Variants in FMN2 observed in about 807,000 individuals in gnomAD.
FMN2 encodes the protein formin 2.
In FMN2, 51 loss-of-function variants were observed where a neutral mutation model predicts 142.3. The observed-to-expected ratio is 0.36, with a 90% confidence interval of 0.29 to 0.45. FMN2 has a LOEUF of 0.45. Among genes scored for constraint, FMN2 ranks in the 20% least tolerant of loss-of-function variants. FMN2 has a pLI of 1.00. For synonymous variants in FMN2, 882 were observed against 869.8 expected (o/e 1.01, Z -0.25); for missense variants, 1,936 against 2,122.8 (o/e 0.91, Z 1.73).
chr1:240,186,950 T>G (rs187972654), intron 3 of FMN2, among the ~76,000 whole-genome samples: 92 of 152,078 alleles, frequency 6.0e-4, no homozygotes, highest in African/African-American at 2.1e-3. Flanking sequence ...GTGGCTAAAT[T>G]GGAAATGTCA....
intron 14 of FMN2, among the ~76,000 whole-genome samples, chr1:240,361,182 T>TATATATATAA (rs1672468262): frequency 1.9e-5 from 2 of 103,482 alleles, no homozygotes; most frequent in Non-Finnish European, 4.3e-5. Flanking sequence ...TATATATATA[T>TATATATATAA]ATAAAAGAGT....
chr1:240,158,262 G>T (rs1383411518), intron 2 of FMN2, among the ~76,000 whole-genome samples: 1 of 152,074 alleles, frequency 6.6e-6, no homozygotes, highest in Non-Finnish European at 1.5e-5. Flanking sequence ...AGGCCTCAGA[G>T]CATAAGCTTT....
intron 14 of FMN2, among the ~76,000 whole-genome samples, chr1:240,389,883 T>TG (rs1223890838): frequency 6.6e-6 from 1 of 152,134 alleles, no homozygotes; most frequent in African/African-American, 2.4e-5. Flanking sequence ...CAGGAGGAAT[T>TG]GCAGCTTGCA....
chr1:240,277,515 G>T (rs1475036616), intron 7 of FMN2, among the ~76,000 whole-genome samples: 1 of 130,418 alleles, frequency 7.7e-6, no homozygotes, highest in African/African-American at 3.0e-5. Context: ...TTAAGTACCT[G>T]CATCTTCTTC....
chr1:240,197,948 C>T lies in FMN2; in HGVS notation c.1987-8851C>T, dbSNP rs535087889. On this transcript the variant is annotated intron_variant, in intron 4 of 17. Transcript: ENST00000319653. ...CCTCCCAAAGTGCTGGGATTATAGG[C>T]GTGAGCCACTGTGCCTGGCCAGGAA... is the stretch of plus-strand genomic sequence containing the variant. Among the ~76,000 whole-genome samples, 142 of 152,052 alleles carry T rather than the reference C, an allele frequency of 9.3e-4. 2 individuals are homozygous for T. In the South Asian group the frequency reaches 0.019, roughly 20 times the overall value.
intron 2 of FMN2, among the ~76,000 whole-genome samples, chr1:240,133,498 A>G (rs1662822665): frequency 6.6e-6 from 1 of 152,132 alleles, no homozygotes; most frequent in Admixed American, 6.6e-5. Context: ...TCTCTATCAG[A>G]ATAAACTCCA....
intron 14 of FMN2, among the ~76,000 whole-genome samples, chr1:240,370,639 C>A (rs1444312783): frequency 6.6e-6 from 1 of 152,106 alleles, no homozygotes; most frequent in Non-Finnish European, 1.5e-5. Flanking sequence ...GTTGTTAAGT[C>A]CTGTGGCTTT....
chr1:240,371,285 T>A (rs943244164), intron 14 of FMN2, among the ~76,000 whole-genome samples: 1 of 152,160 alleles, frequency 6.6e-6, no homozygotes, highest in Non-Finnish European at 1.5e-5. Context: ...AAATATACCT[T>A]ATTTGCCCTT....
intron 16 of FMN2, among the ~76,000 whole-genome samples, chr1:240,451,107 C>T (rs561987224): frequency 1.5e-3 from 225 of 152,216 alleles, no homozygotes; most frequent in African/African-American, 5.3e-3. Context: ...GTGGCTCACG[C>T]CTGTAATCCT....
intron 6 of FMN2, among the ~76,000 whole-genome samples, chr1:240,243,000 G>T (rs1247097941): frequency 1.3e-5 from 2 of 152,142 alleles, no homozygotes; most frequent in Non-Finnish European, 2.9e-5. Context: ...TCTGTGGTCT[G>T]CAGTGCCTTG....
At chr1:240,292,520 A>G (rs1461176403) in intron 7 of FMN2, among the ~76,000 whole-genome samples, 1 of 152,172 alleles carries the variant, frequency 6.6e-6, no homozygotes, top group African/African-American at 2.4e-5. Context: ...ATACTAGTGT[A>G]ATCCCTGATG....
chr1:240,100,561 A>G (rs1217106092), intron 1 of FMN2, among the ~76,000 whole-genome samples: 17 of 152,252 alleles, frequency 1.1e-4, no homozygotes, highest in Admixed American at 1.1e-3. Context: ...AAGAATGAGT[A>G]ACAATTATTT....
chr1:240,452,168 G>A (rs1285993477), intron 16 of FMN2, among the ~76,000 whole-genome samples: 1 of 152,082 alleles, frequency 6.6e-6, no homozygotes, highest in East Asian at 1.9e-4. Context: ...TCCAGCCTGG[G>A]CGACAGAGCA....
intron 16 of FMN2, among the ~76,000 whole-genome samples, chr1:240,439,279 A>AAAAAAAAAAAAGAAAGAAAGAAAGAAAG (rs555074808): frequency 8.0e-6 from 1 of 124,724 alleles, no homozygotes; most frequent in African/African-American, 3.1e-5. Context: ...TCAAAAAAAA[A>AAAAAAAAAAAAGAAAGAAAGAAAGAAAG]AAAGAAAGAA....
intron 7 of FMN2, among the ~76,000 whole-genome samples, chr1:240,277,525 C>CTT (rs34678861): frequency 0.011 from 749 of 66,116 alleles, 31 homozygotes; most frequent in African/African-American, 0.029. Flanking sequence ...GCATCTTCTT[C>CTT]TTTTTTTTTT....
intron 8 of FMN2, among the ~76,000 whole-genome samples, chr1:240,315,951 A>G (rs1164901705): frequency 6.6e-6 from 1 of 152,208 alleles, no homozygotes; most frequent in East Asian, 1.9e-4. Context: ...CCAACACACA[A>G]AAGGCCATTT....
Position 240,233,616 on chromosome 1 carries a change from A to G in FMN2, c.4065+22381A>G, listed in dbSNP as rs556930571. ...TTGCTTATTCTGAAAAACTCAATAT[A>G]TAAATCTTACAAAGAATAGGACCAC... On this transcript the variant is annotated intron_variant, in intron 6 of 17. Transcript: ENST00000319653. Among the ~76,000 whole-genome samples the G allele has an allele frequency of 2.0e-5, 3 of 152,354 alleles. No homozygotes were observed. In the East Asian group the frequency reaches 5.8e-4, roughly 29 times the overall value.
In FMN2 at chr1:240,098,097, A is replaced by ATT. The variant is rs35191164; in HGVS notation, c.1615+4393_1615+4394dup. ...TTGGCCTTTCTAAAGGTTATCTTGA[A>ATT]TTTTTTTTTTTTTTTTTTTTTGGAG... is the stretch of plus-strand genomic sequence containing the variant. On this transcript the variant is annotated intron_variant, in intron 1 of 17. Transcript: ENST00000319653. Among the ~76,000 whole-genome samples the ATT allele has an allele frequency of 1.3e-3, 132 of 98,666 alleles. 1 individual carries two copies. Among genetic ancestry groups the ATT allele is most frequent in the Middle Eastern group, 5.7e-3 (1 of 176 alleles). 64.7% of individuals were successfully genotyped at this position (98,666 alleles called of 152,430 possible).
At chr1:240,423,410 C>T (rs903992833) in intron 15 of FMN2, among the ~76,000 whole-genome samples, 6 of 152,158 alleles carry the variant, frequency 3.9e-5, no homozygotes, top group Non-Finnish European at 7.4e-5. Flanking sequence ...CAATAAAAAA[C>T]GCAAAAGCAA....
Sources: gnomAD v4.1 joint callset for allele counts (sites outside exome capture counted in the v4.1 genomes callset) on GRCh38, gnomAD v4.1.1 for gene constraint, MANE v1.5 for transcripts, NCBI Gene and HGNC (gene_info 2026-07-23, HGNC 2026-07-21) for gene names.